RIMBP2: variants seen among roughly 807,000 people sequenced by gnomAD.
RIMBP2 encodes RIMS-binding protein 2.
RIMBP2 carries 48 observed loss-of-function variants against 118.6 expected under a neutral mutation model. The observed-to-expected ratio is 0.40, with a 90% CI of 0.32 to 0.51. The LOEUF is 0.51. RIMBP2 is among the 20% of genes least tolerant of loss of function. The pLI is 0.41. For synonymous variants in RIMBP2, 762 were observed against 742.9 expected (o/e 1.03, Z -0.42); for missense variants, 1,551 against 1,768.3 (o/e 0.88, Z 2.20).
chr12:130,636,417 C>T (rs1417643588), intron 1 of RIMBP2, among the ~76,000 whole-genome samples: 1 of 152,136 alleles, frequency 6.6e-6, no homozygotes, highest in Admixed American at 6.5e-5. Flanking sequence ...TGTGCAGGTG[C>T]GAGGACCCAG....
chr12:130,655,402 A>C (rs2063382810), intron 1 of RIMBP2, among the ~76,000 whole-genome samples: 1 of 152,138 alleles, frequency 6.6e-6, no homozygotes, highest in Non-Finnish European at 1.5e-5. Flanking sequence ...TATCTGTGGG[A>C]GAGAGGAAGA....
chr12:130,442,642 T>C lies in RIMBP2; in HGVS notation c.710A>G (p.Gln237Arg). 6.2e-7 allele frequency: 1 copy of C among 1,614,002 alleles called. No individual in the cohort carries two copies. The highest frequency in any genetic ancestry group is 8.5e-7 in the Non-Finnish European group (1 of 1,179,920). Residue 237 changes from glutamine to arginine, a missense_variant, in exon 11 of 23, where the codon CAG becomes CGG. Physicochemically the swap from Gln to Arg is conservative, Grantham distance 43. Around this residue, in one of 5 missense-constraint regions of RIMBP2, gnomAD observed 265 missense variants for 349.5 expected, o/e 0.76. Transcript: ENST00000690449. The surrounding 1 kb of genome is among the most constrained non-coding windows in gnomAD (Gnocchi z 6.9). ...GAAGTTGGAGGGCACCAGACCCCTC[T>C]GGCCATCGAGGAGCTCTCCTGTTGG... ...GFYEGELLDGQRGLVPSNFVD... is the reference protein window; with the variant it reads ...GFYEGELLDGRRGLVPSNFVD...
At chr12:130,505,090 ACT>A (rs2050172416) in intron 4 of RIMBP2, among the ~76,000 whole-genome samples, 1 of 151,948 alleles carries the variant, frequency 6.6e-6, no homozygotes, top group African/African-American at 2.4e-5. Context: ...CCCTCAGAAA[ACT>A]CACAGTCATC....
intron 19 of RIMBP2, among the ~76,000 whole-genome samples, chr12:130,409,001 G>A (rs997676094): frequency 1.3e-5 from 2 of 151,708 alleles, no homozygotes; most frequent in Non-Finnish European, 3.0e-5. Context: ...TGCAGGACCT[G>A]CACATGTGTG....
chr12:130,671,397 T>C (rs1025249002), intron 1 of RIMBP2, among the ~76,000 whole-genome samples: 2 of 152,262 alleles, frequency 1.3e-5, no homozygotes, highest in African/African-American at 2.4e-5. Context: ...CACGTTTCTC[T>C]GATCGATTTC....
At chr12:130,611,635 G>A (rs1188635340) in intron 2 of RIMBP2, among the ~76,000 whole-genome samples, 1 of 152,184 alleles carries the variant, frequency 6.6e-6, no homozygotes, top group African/African-American at 2.4e-5. Context: ...CTCGATTTAG[G>A]AAGCCCTTTG....
intron 2 of RIMBP2, among the ~76,000 whole-genome samples, chr12:130,544,681 C>T (rs1340887624): frequency 7.4e-6 from 1 of 135,554 alleles, no homozygotes; most frequent in African/African-American, 2.7e-5. Flanking sequence ...CTCACTGCAA[C>T]CTTTGTCTCC....
intron 11 of RIMBP2, among the ~76,000 whole-genome samples, chr12:130,441,229 T>C (rs1221471732): frequency 1.3e-5 from 2 of 151,830 alleles, no homozygotes; most frequent in African/African-American, 2.4e-5. Context: ...GGTGAAACCC[T>C]GTCTCTACTA....
intron 3 of RIMBP2, among the ~76,000 whole-genome samples, chr12:130,512,857 A>AT (rs552690233): frequency 7.9e-5 from 12 of 152,186 alleles, no homozygotes; most frequent in Non-Finnish European, 1.5e-4. Flanking sequence ...CTCTTATGCG[A>AT]TTTTTTTTAG....
At chr12:130,494,272 C>T (rs1329435945) in intron 4 of RIMBP2, among the ~76,000 whole-genome samples, 4 of 152,168 alleles carry the variant, frequency 2.6e-5, no homozygotes, top group South Asian at 2.1e-4. Flanking sequence ...GGCACCTCCC[C>T]GCCACCACGG....
At chr12:130,642,675 C>A (rs988579957) in intron 1 of RIMBP2, among the ~76,000 whole-genome samples, 4 of 152,254 alleles carry the variant, frequency 2.6e-5, no homozygotes, top group Admixed American at 6.5e-5. Context: ...CATCTATCCT[C>A]TTCCAAGCAC....
intron 1 of RIMBP2, among the ~76,000 whole-genome samples, chr12:130,650,269 C>A (rs112318469): frequency 0.013 from 2,050 of 152,258 alleles, 17 homozygotes; most frequent in South Asian, 0.06. Flanking sequence ...TCCCCAGCAG[C>A]CAGCTGCCGG....
At chr12:130,607,394 A>G (rs1343913632) in intron 2 of RIMBP2, among the ~76,000 whole-genome samples, 1 of 147,974 alleles carries the variant, frequency 6.8e-6, no homozygotes, top group Non-Finnish European at 1.5e-5. Context: ...ATGATGTTTA[A>G]TAGACGGGTG....
intron 2 of RIMBP2, among the ~76,000 whole-genome samples, chr12:130,563,922 G>T (rs964143489): frequency 6.6e-6 from 1 of 151,626 alleles, no homozygotes; most frequent in Non-Finnish European, 1.5e-5. Context: ...CACCTGCTGG[G>T]CTCTACATAA....
chr12:130,441,308 G>A (rs2078101844), intron 11 of RIMBP2, among the ~76,000 whole-genome samples: 2 of 151,724 alleles, frequency 1.3e-5, no homozygotes, highest in African/African-American at 2.4e-5. Flanking sequence ...GGCTGAGGCA[G>A]GAGAATCGCT....
At chr12:130,632,995 C>T (rs2140973345) in intron 1 of RIMBP2, among the ~76,000 whole-genome samples, 1 of 152,308 alleles carries the variant, frequency 6.6e-6, no homozygotes, top group Admixed American at 6.5e-5. Flanking sequence ...ATGCCTTCTG[C>T]CAGGAGGGAG....
intron 6 of RIMBP2, among the ~76,000 whole-genome samples, chr12:130,459,225 ATGGTGG>A (rs919581717): frequency 4.0e-5 from 6 of 151,392 alleles, no homozygotes; most frequent in Non-Finnish European, 5.9e-5. Context: ...TGTACAGCTG[ATGGTGG>A]TGGTGGTGGT....
chr12:130,693,471 T>C (rs2065428005), intron 1 of RIMBP2, among the ~76,000 whole-genome samples: 1 of 152,176 alleles, frequency 6.6e-6, no homozygotes, highest in South Asian at 2.1e-4. Flanking sequence ...CATTAAGAAC[T>C]GGTGACCCCC....
rs1002080597 is a variant in RIMBP2, at chr12:130,434,521, C to T, written c.2253+213G>A. ...GGGGGAGGGTGGAAGCCCTGCACTT[C>T]GACTTTTTCAATTATCCCCAATGAG... On this transcript the variant is annotated intron_variant, in intron 14 of 22. Transcript: ENST00000690449. This position sits in a 1 kb window ranked among gnomAD's most constrained non-coding sequence, Gnocchi z 5.7. Among the ~76,000 whole-genome samples the T allele has an allele frequency of 2.6e-5, 4 of 152,154 alleles. No individual in the cohort carries two copies. Among genetic ancestry groups the T allele is most frequent in the African/African-American group, 7.2e-5 (3 of 41,434 alleles).
Sources: allele counts gnomAD v4.1 joint callset (sites outside exome capture counted in the v4.1 genomes callset), GRCh38; gene constraint gnomAD v4.1.1; regional missense constraint gnomAD v4.1.1; non-coding constraint Gnocchi (gnomAD v3.1); transcripts MANE v1.5; gene names NCBI Gene and HGNC (gene_info 2026-07-23, HGNC 2026-07-21).